Variants in AKAP6 observed in about 807,000 individuals in gnomAD.
The protein encoded by AKAP6 is A-kinase anchor protein 6.
A neutral mutation model predicts 188.5 loss-of-function variants in AKAP6; 58 were observed. That is an observed-to-expected ratio of 0.31 (90% CI 0.25 to 0.38). AKAP6 has a LOEUF of 0.38. Among genes scored for constraint, AKAP6 ranks in the 10% least tolerant of loss-of-function variants. The probability of loss-of-function intolerance (pLI) is 1.00; values close to 1 mark genes in which losing one functional copy is unlikely to be tolerated. For synonymous variants in AKAP6, 989 were observed against 998.6 expected, an observed-to-expected ratio of 0.99 and a Z score of 0.18; for missense variants, 2,710 against 2,740.0, an observed-to-expected ratio of 0.99 and a Z score of 0.24.
At chr14:32,466,837 A>T (rs1392181612) in intron 2 of AKAP6, among the ~76,000 whole-genome samples, 3 of 142,846 alleles carry the variant, frequency 2.1e-5, no homozygotes, top group Non-Finnish European at 4.5e-5. Flanking sequence ...TTATATATAT[A>T]TATATATATT....
intron 9 of AKAP6, among the ~76,000 whole-genome samples, chr14:32,707,299 T>C (rs1050948193): frequency 6.6e-6 from 1 of 152,110 alleles, no homozygotes; most frequent in Non-Finnish European, 1.5e-5. Context: ...CTGTACAAAA[T>C]TCCTTCATAT....
intron 12 of AKAP6, among the ~76,000 whole-genome samples, chr14:32,809,100 G>C (rs952131233): frequency 1.3e-5 from 2 of 152,198 alleles, no homozygotes; most frequent in African/African-American, 4.8e-5. Flanking sequence ...CCATCTCTAA[G>C]ATGCTCAGTG....
intron 11 of AKAP6, among the ~76,000 whole-genome samples, chr14:32,769,909 A>ATCTC (rs2032846400): frequency 6.6e-6 from 1 of 152,330 alleles, no homozygotes; most frequent in East Asian, 1.9e-4. Context: ...ATACAAGTAA[A>ATCTC]TATAAGTAAA....
intron 12 of AKAP6, among the ~76,000 whole-genome samples, chr14:32,797,267 C>G (rs1267360341): frequency 6.6e-6 from 1 of 152,128 alleles, no homozygotes; most frequent in Non-Finnish European, 1.5e-5. Context: ...CCCAGCAATC[C>G]TATTACTGTG....
Position 32,413,175 on chromosome 14 carries a change from A to ATTTCTTTT in AKAP6, c.-34-20282_-34-20281insCTTTTTTT, listed in dbSNP as rs1491566130. Among the ~76,000 whole-genome samples the ATTTCTTTT allele has an allele frequency of 7.1e-3, 432 of 60,476 alleles. 4 individuals are homozygous for ATTTCTTTT. Among genetic ancestry groups the ATTTCTTTT allele is most frequent in the African/African-American group, 0.018 (408 of 22,284 alleles). The allele number at this position is 60,476 out of a possible 152,430, so 39.7% of individuals were successfully genotyped here. A position where few individuals can be genotyped will look rare whatever the true frequency, so the allele number is the denominator to read the frequency against. ...GGACAAAAAGAAAGTATTTATTGAA[A>ATTTCTTTT]TTTTTTTTTTTTTTTTTTTTTTTTT... On this transcript the variant is annotated intron_variant, in intron 1 of 13. Transcript: ENST00000280979.
At chr14:32,346,673 T>G (rs2138430201) in intron 1 of AKAP6, among the ~76,000 whole-genome samples, 1 of 152,178 alleles carries the variant, frequency 6.6e-6, no homozygotes, top group East Asian at 1.9e-4. Flanking sequence ...CGCGCCTGGC[T>G]AATTTTTTGT....
intron 2 of AKAP6, among the ~76,000 whole-genome samples, chr14:32,489,305 C>G (rs1033724589): frequency 2.6e-5 from 4 of 152,154 alleles, no homozygotes; most frequent in Non-Finnish European, 5.9e-5. Context: ...AACTCCTGGG[C>G]TCAAGCGATC....
chr14:32,789,635 A>G (rs932989272), intron 12 of AKAP6, among the ~76,000 whole-genome samples: 5 of 152,364 alleles, frequency 3.3e-5, no homozygotes, highest in African/African-American at 4.8e-5. Context: ...CAGCAGCCCT[A>G]TGCTAGAGTG....
chr14:32,676,702 A>G (rs7148406), intron 7 of AKAP6, among the ~76,000 whole-genome samples: 51,399 of 152,140 alleles, frequency 0.34, 8,933 homozygotes, highest in South Asian at 0.4. Flanking sequence ...CTTCAATTAT[A>G]TAACTATAGT....
At chr14:32,753,085 C>G (rs1454787336) in intron 11 of AKAP6, among the ~76,000 whole-genome samples, 1 of 152,160 alleles carries the variant, frequency 6.6e-6, no homozygotes, top group Non-Finnish European at 1.5e-5. Context: ...ATTGCTGGAT[C>G]ATGTGGTAGT....
chr14:32,526,836 G>A (rs1330508378), intron 2 of AKAP6, among the ~76,000 whole-genome samples: 1 of 152,166 alleles, frequency 6.6e-6, no homozygotes, highest in African/African-American at 2.4e-5. Context: ...TAAGAGGCAG[G>A]CACAGAGGTA....
chr14:32,413,532 C>G (rs1391821453), intron 1 of AKAP6, among the ~76,000 whole-genome samples: 1 of 152,122 alleles, frequency 6.6e-6, no homozygotes, highest in African/African-American at 2.4e-5. Context: ...GGAGGAACCT[C>G]ACAGTTACTG....
At position 32,332,169 on chromosome 14, in the gene AKAP6, T is replaced by C. The variant is rs539299469; in HGVS notation, c.-35+2761T>C. Among the ~76,000 whole-genome samples the C allele has an allele frequency of 5.3e-5, 8 of 152,206 alleles. No homozygotes were observed. The South Asian group carries it at 1.5e-3, about 28-fold the overall frequency. On this transcript the variant is annotated intron_variant, in intron 1 of 13. Coordinates refer to ENST00000280979, the MANE Select transcript of AKAP6 (RefSeq NM_004274.5). Reference sequence around the variant, plus strand: ...GCGAATAAACTTGGCTAAGGTTATGTAGTTAATAAGTGATTGGGCCAGGAT... The same window carrying C: ...GCGAATAAACTTGGCTAAGGTTATGCAGTTAATAAGTGATTGGGCCAGGAT...
rs576244664 is a variant in AKAP6, at chr14:32,564,874, T to C, written c.2347-12246T>C. 5.9e-5 allele frequency among the ~76,000 whole-genome samples: 9 copies of C among 152,358 alleles called. No individual in the cohort carries two copies. The East Asian group carries it at 1.3e-3, about 23-fold the overall frequency. On this transcript the variant is annotated intron_variant, in intron 4 of 13. Coordinates refer to ENST00000280979, the MANE Select transcript of AKAP6 (RefSeq NM_004274.5). ...TCAACACTAAATGTTTCCAGTGCTC[T>C]GCAGCTGTTGGCTCTTTATCTTTCT...
chr14:32,732,712 A>G, intron 10 of AKAP6, 112 bp downstream of exon 10: 1 of 1,224,346 alleles, frequency 8.2e-7, no homozygotes, highest in Non-Finnish European at 1.2e-6. Flanking sequence ...TCAATTCACT[A>G]CCTACGTTTC....
chr14:32,355,581 T>C (rs1887454431), intron 1 of AKAP6, among the ~76,000 whole-genome samples: 2 of 152,162 alleles, frequency 1.3e-5, no homozygotes, highest in Non-Finnish European at 2.9e-5. Context: ...TTTCTAAAAA[T>C]TGTGATATAG....
rs568061758 is a variant in AKAP6 at position 32,489,349 on chromosome 14, C to T, written c.325-46205C>T. On this transcript the variant is annotated intron_variant, in intron 2 of 13. Coordinates refer to ENST00000280979, the MANE Select transcript of AKAP6 (RefSeq NM_004274.5). ...TCAGCCTCCCAAGTAGCTAGGACTCCAGGCAGATGCCACCACGTCTAGCTA... is the reference window on the plus strand; with the variant it reads ...TCAGCCTCCCAAGTAGCTAGGACTCTAGGCAGATGCCACCACGTCTAGCTA... 2.0e-5 allele frequency among the ~76,000 whole-genome samples: 3 copies of T among 152,196 alleles called. No homozygotes were observed. The East Asian group carries it at 5.8e-4, about 30-fold the overall frequency.
chr14:32,408,169 G>A (rs1441066109), intron 1 of AKAP6, among the ~76,000 whole-genome samples: 1 of 152,114 alleles, frequency 6.6e-6, no homozygotes, highest in Non-Finnish European at 1.5e-5. Flanking sequence ...GCGGGGAGTG[G>A]GTGGTTGAAC....
rs190883865 is a variant in AKAP6 at position 32,774,837 on chromosome 14, G to T, written c.3588+944G>T. Among the ~76,000 whole-genome samples, 499 of 152,176 alleles carry T rather than the reference G, an allele frequency of 3.3e-3. 4 individuals carry two copies. Among genetic ancestry groups the T allele is most frequent in the African/African-American group, 0.011 (462 of 41,510 alleles). The stretch of plus-strand genomic sequence containing the variant: ...AGTTCTATAACTTTGGAAAGTTCAG[G>T]ATCCAAAATTGAAAAATCAAATGTA... On this transcript the variant is annotated intron_variant, in intron 12 of 13. Transcript: ENST00000280979.
Sources: allele counts gnomAD v4.1 joint callset (sites outside exome capture counted in the v4.1 genomes callset), GRCh38; gene constraint gnomAD v4.1.1; transcripts MANE v1.5; gene names NCBI Gene and HGNC (gene_info 2026-07-23, HGNC 2026-07-21).